FBN2: variants seen among roughly 807,000 people sequenced by gnomAD.
FBN2 encodes fibrillin-2.
Under a neutral mutation model 355.6 loss-of-function variants are expected in FBN2, and 105 were observed. The observed-to-expected ratio is 0.30, with a 90% confidence interval of 0.25 to 0.35. The LOEUF (loss-of-function observed/expected upper bound fraction) is 0.35, where lower values mean the gene tolerates loss of function less well. FBN2 is among the 10% of genes least tolerant of loss of function. The probability of loss-of-function intolerance (pLI) is 1.00; values close to 1 mark genes in which losing one functional copy is unlikely to be tolerated. For synonymous variants in FBN2, 1,350 were observed against 1,301.2 expected (o/e 1.04, Z -0.81); for missense variants, 3,280 against 3,758.7 (o/e 0.87, Z 3.33).
At chr5:128,428,271 T>A (rs533033589) in intron 7 of FBN2, among the ~76,000 whole-genome samples, 1 of 152,260 alleles carries the variant, frequency 6.6e-6, no homozygotes, top group South Asian at 2.1e-4. Context: ...AAGGTCAGAA[T>A]ATTATACTTC....
intron 34 of FBN2, among the ~76,000 whole-genome samples, chr5:128,322,119 C>A (rs1431381138): frequency 6.6e-6 from 1 of 152,092 alleles, no homozygotes; most frequent in Non-Finnish European, 1.5e-5. Flanking sequence ...ATATCCATTG[C>A]TCACTTTTTT....
intron 5 of FBN2, among the ~76,000 whole-genome samples, chr5:128,512,974 A>G (rs878953554): frequency 6.6e-6 from 1 of 152,240 alleles, no homozygotes; most frequent in Non-Finnish European, 1.5e-5. Context: ...ACAAACAGGC[A>G]TCAGATAGGG....
chr5:128,265,634 C>T lies in FBN2; in HGVS notation c.7961-1978G>A, dbSNP rs189521940. On this transcript the variant is annotated intron_variant, in intron 62 of 64. Coordinates refer to ENST00000262464, the MANE Select transcript of FBN2 (RefSeq NM_001999.4). ...CTTCATATGCAAATGTTAGTATTTA[C>T]ATATTTCCAATTTTGAATAATTGTA... 3.0e-4 allele frequency among the ~76,000 whole-genome samples: 45 copies of T among 152,260 alleles called. 1 individual carries two copies. The highest frequency in any genetic ancestry group is 1.1e-3 in the African/African-American group (44 of 41,554).
At chr5:128,370,573 A>G (rs895601113) in intron 15 of FBN2, among the ~76,000 whole-genome samples, 1 of 152,184 alleles carries the variant, frequency 6.6e-6, no homozygotes, top group Admixed American at 6.5e-5. Context: ...TCTGAGTTAC[A>G]CAAACACAGA....
chr5:128,414,641 T>C (rs1244780902), intron 7 of FBN2, among the ~76,000 whole-genome samples: 1 of 152,190 alleles, frequency 6.6e-6, no homozygotes, highest in Non-Finnish European at 1.5e-5. Context: ...ATCTTAGATA[T>C]ACACCTAGAA....
At chr5:128,311,844 T>C in intron 38 of FBN2, 41 bp downstream of exon 38, 1 of 1,464,938 alleles carries the variant, frequency 6.8e-7, no homozygotes, top group Non-Finnish European at 9.6e-7. Context: ...TAATTAACTC[T>C]TTACCTTGTT....
intron 62 of FBN2, among the ~76,000 whole-genome samples, chr5:128,270,443 C>A (rs768045417): frequency 2.0e-5 from 3 of 152,170 alleles, no homozygotes; most frequent in Non-Finnish European, 4.4e-5. Flanking sequence ...GCAGGAAAAT[C>A]ACTTGAACCC....
chr5:128,356,889 G>A (rs1046994552), intron 20 of FBN2, among the ~76,000 whole-genome samples: 2 of 152,158 alleles, frequency 1.3e-5, no homozygotes, highest in African/African-American at 4.8e-5. Context: ...CCTGTTAACT[G>A]AATCCAAATT....
chr5:128,382,920 C>T (rs779065766), intron 11 of FBN2, among the ~76,000 whole-genome samples: 1 of 152,064 alleles, frequency 6.6e-6, no homozygotes, highest in African/African-American at 2.4e-5. Flanking sequence ...ATAGGGGACA[C>T]TTCTGTTCCC....
chr5:128,411,539 T>A (rs1364523080), intron 7 of FBN2, among the ~76,000 whole-genome samples: 1 of 152,186 alleles, frequency 6.6e-6, no homozygotes, highest in African/African-American at 2.4e-5. Context: ...CCAACCGTAG[T>A]CTCTGATGTC....
chr5:128,354,078 G>C (rs1410445323), intron 20 of FBN2, among the ~76,000 whole-genome samples: 1 of 152,154 alleles, frequency 6.6e-6, no homozygotes, highest in African/African-American at 2.4e-5. Flanking sequence ...GATGTAGATA[G>C]TCAGGAATTA....
At chr5:128,398,147 AG>A (rs1428520471) in intron 8 of FBN2, among the ~76,000 whole-genome samples, 1 of 152,144 alleles carries the variant, frequency 6.6e-6, no homozygotes, top group Admixed American at 6.5e-5. Context: ...AGAGGTTCTC[AG>A]GTTAGAGACA....
chr5:128,536,274 G>T (rs1023713026), intron 2 of FBN2, 128 bp downstream of exon 2: 3 of 757,200 alleles, frequency 4.0e-6, no homozygotes, highest in Non-Finnish European at 7.0e-6. Context: ...GCCGCGTCCC[G>T]ATTATCAGTG....
Position 128,364,687 on chromosome 5 carries a change from T to G in FBN2, c.2341A>C (p.Asn781His). 6.2e-7 allele frequency: 1 copy of G among 1,613,118 alleles called. No homozygotes were observed. Among genetic ancestry groups the G allele is most frequent in the Non-Finnish European group, 8.5e-7 (1 of 1,179,172 alleles). The change falls in exon 18 of 65, where the codon AAT (asparagine) becomes CAT (histidine). Residue 781 changes from asparagine to histidine, a missense_variant. Coordinates refer to ENST00000262464, the MANE Select transcript of FBN2 (RefSeq NM_001999.4). ...CCACGTAAGTTTTCACAAATCCCAT[T>G]GGCACATATATCAGGATCCAAAGCA... ...ECALDPDICA[N>H]GICENLRGSY...
At position 128,301,457 on chromosome 5, in the gene FBN2, A is replaced by G. The variant is rs1275905935; in HGVS notation, c.5971T>C (p.Phe1991Leu). 5.0e-6 allele frequency: 8 copies of G among 1,613,474 alleles called. No homozygotes were observed. In the African/African-American group the frequency reaches 1.1e-4, roughly 22 times the overall value. Reference protein sequence around the residue: ...FGQVCRNGRCFNEIGSFKCLC... With the variant: ...FGQVCRNGRCLNEIGSFKCLC... Reference sequence around the variant, plus strand: ...CACTTGAAAGAACCAATTTCATTAAAACAACGTCCATTTCTGCACACCTGA... The same window carrying G: ...CACTTGAAAGAACCAATTTCATTAAGACAACGTCCATTTCTGCACACCTGA... The change falls in exon 47 of 65, where the codon TTT becomes CTT. Residue 1991 changes from phenylalanine (F) to leucine (L), a missense_variant. Physicochemically the swap from Phe to Leu is conservative, Grantham distance 22. Around this residue, in one of 6 missense-constraint regions of FBN2, gnomAD observed 2,284 missense variants for 2,749.5 expected, o/e 0.83. Transcript: ENST00000262464.
At chr5:128,424,687 C>T (rs1259861033) in intron 7 of FBN2, among the ~76,000 whole-genome samples, 3 of 152,094 alleles carry the variant, frequency 2.0e-5, no homozygotes, top group Non-Finnish European at 2.9e-5. Flanking sequence ...TTCACTTAGG[C>T]TGAATAATTG....
intron 55 of FBN2, 78 bp downstream of exon 55, chr5:128,286,640 G>A: frequency 6.5e-7 from 1 of 1,540,136 alleles, no homozygotes; most frequent in Non-Finnish European, 9.0e-7. Context: ...TTGCAGTTAA[G>A]ATGATGTGGG....
chr5:128,352,850 A>C (rs1751403779), intron 20 of FBN2, among the ~76,000 whole-genome samples: 4 of 152,196 alleles, frequency 2.6e-5, no homozygotes, highest in African/African-American at 7.2e-5. Flanking sequence ...TATTTATTTG[A>C]AAATTCATTT....
intron 36 of FBN2, among the ~76,000 whole-genome samples, chr5:128,316,988 C>T (rs1183045081): frequency 6.6e-6 from 1 of 152,138 alleles, no homozygotes; most frequent in Non-Finnish European, 1.5e-5. Flanking sequence ...TCCTCTGATT[C>T]CTCTCCTCAT....
Sources: allele counts gnomAD v4.1 joint callset (sites outside exome capture counted in the v4.1 genomes callset), GRCh38; gene constraint gnomAD v4.1.1; regional missense constraint gnomAD v4.1.1; transcripts MANE v1.5; gene names NCBI Gene and HGNC (gene_info 2026-07-23, HGNC 2026-07-21).